Variants in KIRREL3 observed in about 807,000 individuals in gnomAD.
KIRREL3 encodes the protein kirre like nephrin family adhesion molecule 3.
KIRREL3 carries 36 observed loss-of-function variants against 89.7 expected under a neutral mutation model. The ratio of observed to expected loss-of-function variants is 0.40; its 90% CI spans 0.31 to 0.53. KIRREL3 has a LOEUF of 0.53. KIRREL3 is among the 20% of genes least tolerant of loss of function. The pLI is 0.49. For synonymous variants in KIRREL3, 445 were observed against 441.4 expected (o/e 1.01, Z -0.10); for missense variants, 864 against 1,056.6 (o/e 0.82, Z 2.53).
At chr11:126,494,830 G>A (rs887954654) in intron 4 of KIRREL3, among the ~76,000 whole-genome samples, 3 of 152,316 alleles carry the variant, frequency 2.0e-5, no homozygotes, top group Non-Finnish European at 2.9e-5. Flanking sequence ...ATGGGCTCCC[G>A]AGGCCCACAG....
chr11:126,942,413 T>A (rs1163950882), intron 1 of KIRREL3, among the ~76,000 whole-genome samples: 1 of 152,106 alleles, frequency 6.6e-6, no homozygotes, highest in African/African-American at 2.4e-5. Flanking sequence ...ACTGTATCAC[T>A]CTGACAAGGT....
rs1185905745 is a variant in KIRREL3 at position 126,564,770 on chromosome 11, T to C, written c.56-1858A>G. Among the ~76,000 whole-genome samples, 1 of 152,160 alleles carries C rather than the reference T, an allele frequency of 6.6e-6. No individual in the cohort carries two copies. The highest frequency in any genetic ancestry group is 2.4e-5 in the African/African-American group (1 of 41,440). Reference sequence around the variant, plus strand: ...AACAACCACCTTCAAGAGGCAGGAATGCAGCCTTCCAGGAGGGGGCCAGTG... The same window carrying C: ...AACAACCACCTTCAAGAGGCAGGAACGCAGCCTTCCAGGAGGGGGCCAGTG... On this transcript the variant is annotated intron_variant, in intron 1 of 16. Transcript: ENST00000525144. The surrounding 1 kb of genome is among the most constrained non-coding windows in gnomAD (Gnocchi z 7.4).
rs1949996526 is a variant in KIRREL3, at chr11:126,990,320, C to T, written c.55+10135G>A. ...CACCCTTCATCCGGATCCCCTCAAA[C>T]ACTCCACCCTCACACCCTGCAGAAT... On this transcript the variant is annotated intron_variant, in intron 1 of 16. Coordinates refer to ENST00000525144, the MANE Select transcript of KIRREL3 (RefSeq NM_032531.4). The surrounding 1 kb of genome is among the most constrained non-coding windows in gnomAD (Gnocchi z 6.3). Among the ~76,000 whole-genome samples, 1 of 152,182 alleles carries T rather than the reference C, an allele frequency of 6.6e-6. No individual in the cohort carries two copies.
chr11:126,589,018 C>G (rs12365790), intron 1 of KIRREL3, among the ~76,000 whole-genome samples: 2,199 of 152,270 alleles, frequency 0.014, 22 homozygotes, highest in Non-Finnish European at 0.024. Context: ...CTGCAAGCCC[C>G]CAGGATTTTC....
chr11:126,546,217 C>T (rs1280781118), intron 2 of KIRREL3, among the ~76,000 whole-genome samples: 1 of 152,210 alleles, frequency 6.6e-6, no homozygotes, highest in Non-Finnish European at 1.5e-5. Flanking sequence ...AAACCCTCCT[C>T]CAAACAGCTG....
chr11:126,984,511 G>A (rs570473305), intron 1 of KIRREL3, among the ~76,000 whole-genome samples: 1 of 152,304 alleles, frequency 6.6e-6, no homozygotes, highest in Admixed American at 6.5e-5. Context: ...GGTTGCCCTG[G>A]GAAAAGCTTC....
In KIRREL3 at chr11:126,541,636, C is replaced by T. The variant is rs1938376393; in HGVS notation, c.134-14949G>A. 6.6e-6 allele frequency among the ~76,000 whole-genome samples: 1 copy of T among 152,312 alleles called. No individual in the cohort carries two copies. Among genetic ancestry groups the T allele is most frequent in the South Asian group, 2.1e-4 (1 of 4,826 alleles). Reference sequence around the variant, plus strand: ...CTAAAAATAACAGTTTCCTGGGCTCCAACTCAGAGATTCTGGGATAGTGGC... The same window carrying T: ...CTAAAAATAACAGTTTCCTGGGCTCTAACTCAGAGATTCTGGGATAGTGGC... On this transcript the variant is annotated intron_variant, in intron 2 of 16. Transcript: ENST00000525144. This position sits in a 1 kb window ranked among gnomAD's most constrained non-coding sequence, Gnocchi z 4.8.
intron 2 of KIRREL3, among the ~76,000 whole-genome samples, chr11:126,534,989 G>A (rs1937729761): frequency 6.6e-6 from 1 of 152,190 alleles, no homozygotes; most frequent in South Asian, 2.1e-4. Flanking sequence ...GTGAGTGGCT[G>A]GTGGGAGGAA....
chr11:126,711,630 T>G (rs1947760148), intron 1 of KIRREL3, among the ~76,000 whole-genome samples: 1 of 152,210 alleles, frequency 6.6e-6, no homozygotes, highest in Non-Finnish European at 1.5e-5. Flanking sequence ...GCATAATTAG[T>G]ATCATGTTAG....
rs2135051237 is a variant in KIRREL3, at chr11:126,669,392, T to G, written c.56-106480A>C. Among the ~76,000 whole-genome samples, 1 of 152,356 alleles carries G rather than the reference T, an allele frequency of 6.6e-6. No individual in the cohort carries two copies. The highest frequency in any genetic ancestry group is 6.5e-5 in the Admixed American group (1 of 15,300). ...TGTTGGATCATGTCCTCTAGAAAAC[T>G]TTTCCCTATTTAATCCCATGTATTT... is the stretch of plus-strand genomic sequence containing the variant. On this transcript the variant is annotated intron_variant, in intron 1 of 16. Transcript: ENST00000525144. This position sits in a 1 kb window ranked among gnomAD's most constrained non-coding sequence, Gnocchi z 5.0.
chr11:126,665,531 ATTAGTGACC>A (rs1945621978), intron 1 of KIRREL3, among the ~76,000 whole-genome samples: 1 of 152,102 alleles, frequency 6.6e-6, no homozygotes, highest in South Asian at 2.1e-4. Context: ...CATGAATGAA[ATTAGTGACC>A]TTGTGAAAGA....
intron 1 of KIRREL3, among the ~76,000 whole-genome samples, chr11:126,702,075 A>C (rs955709966): frequency 6.6e-6 from 1 of 152,210 alleles, no homozygotes; most frequent in Non-Finnish European, 1.5e-5. Context: ...GGAGCCAAAG[A>C]TACCTGACTG....
chr11:126,799,030 G>T, intron 1 of KIRREL3, among the ~76,000 whole-genome samples: 1 of 151,748 alleles, frequency 6.6e-6, no homozygotes, highest in East Asian at 1.9e-4. Flanking sequence ...ATCTGTGCGT[G>T]TGCATGTGTG....
At chr11:126,560,319 C>T (rs1940023814) in intron 2 of KIRREL3, among the ~76,000 whole-genome samples, 1 of 152,158 alleles carries the variant, frequency 6.6e-6, no homozygotes, top group Admixed American at 6.5e-5. Flanking sequence ...TTACCAACCA[C>T]CTCCATTCCT....
At chr11:126,928,710 G>C (rs1254647118) in intron 1 of KIRREL3, among the ~76,000 whole-genome samples, 1 of 152,212 alleles carries the variant, frequency 6.6e-6, no homozygotes, top group African/African-American at 2.4e-5. Flanking sequence ...ATGGACATAA[G>C]GAACACAGCA....
chr11:126,758,644 G>A (rs767857274), intron 1 of KIRREL3, among the ~76,000 whole-genome samples: 1 of 152,206 alleles, frequency 6.6e-6, no homozygotes, highest in Non-Finnish European at 1.5e-5. Flanking sequence ...GCTTGCCATT[G>A]CCCCAAAATG....
rs185967382 is a variant in KIRREL3, at chr11:126,997,689, G to A, written c.55+2766C>T. Among the ~76,000 whole-genome samples the A allele has an allele frequency of 6.6e-6, 1 of 152,288 alleles. No homozygotes were observed. Among genetic ancestry groups the A allele is most frequent in the East Asian group, 1.9e-4 (1 of 5,182 alleles). On this transcript the variant is annotated intron_variant, in intron 1 of 16. Transcript: ENST00000525144. This position sits in a 1 kb window ranked among gnomAD's most constrained non-coding sequence, Gnocchi z 4.3. The stretch of plus-strand genomic sequence containing the variant: ...AAAGGATGGCTGGAACGGACTTTAA[G>A]AGTTTATTTGTATCTTGAGAGCACT...
At position 126,522,679 on chromosome 11, in the gene KIRREL3, G is replaced by T. The variant is rs1423667733; in HGVS notation, c.284-1215C>A. ...AGATCCTCTCTTTCCTGGGTCTCGG[G>T]CCCTACACCTCCCTATTTCTCTTTC... On this transcript the variant is annotated intron_variant, in intron 3 of 16. Coordinates refer to ENST00000525144, the MANE Select transcript of KIRREL3 (RefSeq NM_032531.4). This position sits in a 1 kb window ranked among gnomAD's most constrained non-coding sequence, Gnocchi z 6.0. Among the ~76,000 whole-genome samples the T allele has an allele frequency of 6.6e-6, 1 of 152,210 alleles. No homozygotes were observed. Among genetic ancestry groups the T allele is most frequent in the Non-Finnish European group, 1.5e-5 (1 of 68,042 alleles).
rs893616421 is a variant in KIRREL3, at chr11:126,830,826, T to A, written c.55+169629A>T. Among the ~76,000 whole-genome samples, 231 of 152,334 alleles carry A rather than the reference T, an allele frequency of 1.5e-3. 5 individuals carry two copies. Among genetic ancestry groups the A allele is most frequent in the Admixed American group, 0.015 (230 of 15,298 alleles). On this transcript the variant is annotated intron_variant, in intron 1 of 16. Transcript: ENST00000525144. The surrounding 1 kb of genome is among the most constrained non-coding windows in gnomAD (Gnocchi z 4.9). ...CTAATGACTACATCCTGGGCCTCCA[T>A]GCATTTTGTAACCCCTGTTCCTTTA...
Sources: allele counts gnomAD v4.1 joint callset (sites outside exome capture counted in the v4.1 genomes callset), GRCh38; gene constraint gnomAD v4.1.1; non-coding constraint Gnocchi (gnomAD v3.1); transcripts MANE v1.5; gene names NCBI Gene and HGNC (gene_info 2026-07-23, HGNC 2026-07-21).